The following RABEP1 variants were observed in gnomAD, a reference collection of about 807,000 sequenced individuals.
RABEP1 encodes the protein rabaptin, RAB GTPase binding effector protein 1, also known as rab GTPase-binding effector protein 1.
In RABEP1, 51 loss-of-function variants were observed where a neutral mutation model predicts 123.4. That is an observed-to-expected ratio of 0.41 (90% confidence interval 0.33 to 0.52). The LOEUF is 0.52. RABEP1 is among the 20% of genes least tolerant of loss of function. RABEP1 has a pLI of 0.16. For synonymous variants in RABEP1, 347 were observed against 355.2 expected (o/e 0.98, Z 0.26); for missense variants, 888 against 996.3 (o/e 0.89, Z 1.46).
chr17:5,328,523 A>T, intron 2 of RABEP1, among the ~76,000 whole-genome samples: 1 of 151,802 alleles, frequency 6.6e-6, no homozygotes, highest in East Asian at 1.9e-4. Context: ...GCATGTGCCT[A>T]TAGTCCCAGC....
chr17:5,378,073 G>A (rs1272452941), intron 14 of RABEP1, 104 bp from the exon 15 acceptor site: 5 of 809,606 alleles, frequency 6.2e-6, no homozygotes, highest in Non-Finnish European at 7.9e-6. Context: ...CCCATGTTCA[G>A]CATACATTTG....
At position 5,385,527 on chromosome 17, in the gene RABEP1, G is replaced by A. The variant is rs1911884486; in HGVS notation, c.*2304G>A. The A allele has an allele frequency of 8.7e-6, 2 of 230,888 alleles. No homozygotes were observed. Among genetic ancestry groups the A allele is most frequent in the African/African-American group, 4.4e-5 (2 of 45,212 alleles). 14.3% of individuals were successfully genotyped at this position (230,888 alleles called of 1,614,324 possible). ...GTAAAAAGATGACTTAAGGTGAAGT[G>A]AGGACAAAATCACATTCTGCATACT... On this transcript the variant is annotated 3_prime_UTR_variant, in exon 18 of 18. Transcript: ENST00000537505.
At chr17:5,380,533 A>C in intron 16 of RABEP1, 71 bp downstream of exon 16, 1 of 1,181,070 alleles carries the variant, frequency 8.5e-7, no homozygotes, top group Non-Finnish European at 1.2e-6. Flanking sequence ...TTGCTTGTTG[A>C]AAAAAAAATA....
At chr17:5,330,940 C>T (rs948417337) in intron 2 of RABEP1, among the ~76,000 whole-genome samples, 4 of 150,780 alleles carry the variant, frequency 2.7e-5, no homozygotes, top group Admixed American at 2.0e-4. Flanking sequence ...GGGGGGATCG[C>T]TTGAGCCCAG....
intron 1 of RABEP1, among the ~76,000 whole-genome samples, chr17:5,288,262 A>G (rs543782749): frequency 2.4e-4 from 37 of 152,268 alleles, no homozygotes; most frequent in Admixed American, 1.6e-3. Flanking sequence ...CGAGTAACAT[A>G]ACTGAAGAAA....
intron 8 of RABEP1, among the ~76,000 whole-genome samples, chr17:5,357,370 T>C (rs774537683): frequency 4.6e-5 from 7 of 151,952 alleles, no homozygotes; most frequent in Non-Finnish European, 5.9e-5. Flanking sequence ...ACTAATTGAT[T>C]TGTGACTTTT....
At chr17:5,344,660 T>C in intron 5 of RABEP1, among the ~76,000 whole-genome samples, 1 of 150,314 alleles carries the variant, frequency 6.7e-6, no homozygotes, top group African/African-American at 2.5e-5. Context: ...TAGTCCCAGC[T>C]ACTTGGGAGG....
intron 1 of RABEP1, among the ~76,000 whole-genome samples, chr17:5,304,175 A>C (rs2075160442): frequency 6.6e-6 from 1 of 151,810 alleles, no homozygotes; most frequent in South Asian, 2.1e-4. Context: ...TTAGGTCTTT[A>C]CTCCATTTAT....
chr17:5,356,717 CT>C (rs987244493), intron 8 of RABEP1: 1 of 149,828 alleles, frequency 6.7e-6, no homozygotes, highest in African/African-American at 2.5e-5. Context: ...GTGGTGCAAT[CT>C]TGGCTCACTG....
intron 1 of RABEP1, among the ~76,000 whole-genome samples, chr17:5,301,052 A>T (rs1244403603): frequency 1.3e-5 from 2 of 152,156 alleles, no homozygotes; most frequent in Non-Finnish European, 2.9e-5. Flanking sequence ...TCACTCCTTT[A>T]TGCTAAACTT....
intron 13 of RABEP1, among the ~76,000 whole-genome samples, chr17:5,376,586 C>T (rs1457339299): frequency 6.6e-6 from 1 of 152,118 alleles, no homozygotes; most frequent in Non-Finnish European, 1.5e-5. Context: ...AAACAGCTTA[C>T]CACCTTAGAA....
At chr17:5,330,155 G>A (rs1456552185) in intron 2 of RABEP1, among the ~76,000 whole-genome samples, 1 of 152,120 alleles carries the variant, frequency 6.6e-6, no homozygotes, top group Non-Finnish European at 1.5e-5. Context: ...ATACAGAGTT[G>A]ACACACATAA....
chr17:5,332,045 A>G lies in RABEP1; in HGVS notation c.260A>G (p.Asn87Ser). The G allele has an allele frequency of 6.2e-7, 1 of 1,614,102 alleles. No individual in the cohort carries two copies. ...QLWEAQAEME[N>S]IKAIATVSEN... ...TGGGAAGCTCAAGCAGAGATGGAGA[A>G]TATTAAGGCGATTGCCACAGTCTCT... Residue 87 changes from asparagine (N) to serine (S), a missense_variant, in exon 3 of 18, where the codon AAT becomes AGT. Coordinates refer to ENST00000537505, the MANE Select transcript of RABEP1 (RefSeq NM_004703.6).
At chr17:5,296,109 G>A (rs1319141482) in intron 1 of RABEP1, among the ~76,000 whole-genome samples, 1 of 152,140 alleles carries the variant, frequency 6.6e-6, no homozygotes, top group Non-Finnish European at 1.5e-5. Flanking sequence ...GTTTGTTTTT[G>A]CGCACTTCAG....
rs146585957 is a variant in RABEP1, at chr17:5,299,719, CT to C, written c.35-8970del. Among the ~76,000 whole-genome samples, 226 of 98,812 alleles carry C rather than the reference CT, an allele frequency of 2.3e-3. No individual in the cohort carries two copies. The East Asian group carries it at 0.023, about 10-fold the overall frequency. The allele number at this position is 98,812 out of a possible 152,430, so 64.8% of individuals were successfully genotyped here. ...TCATTTCTTTTTCTTTTTTTCTTTT[CT>C]TTTTCTTTTTCTTTTTTTTTTTTTT... On this transcript the variant is annotated intron_variant, in intron 1 of 17. Coordinates refer to ENST00000537505, the MANE Select transcript of RABEP1 (RefSeq NM_004703.6).
In RABEP1 at chr17:5,282,354, C is replaced by T; in HGVS notation, c.-133C>T. Reference sequence around the variant, plus strand: ...CGCGGCTGTGGCGGCGCCGGCGGATCCAGCCTTAGCGGTTTCTCTCTGGGC... The same window carrying T: ...CGCGGCTGTGGCGGCGCCGGCGGATTCAGCCTTAGCGGTTTCTCTCTGGGC... On this transcript the variant is annotated 5_prime_UTR_variant, in exon 1 of 18. Transcript: ENST00000537505. 1 of 682,276 alleles carries T rather than the reference C, an allele frequency of 1.5e-6. No homozygotes were observed. Among genetic ancestry groups the T allele is most frequent in the Non-Finnish European group, 2.1e-6 (1 of 475,266 alleles). 42.3% of individuals were successfully genotyped at this position (682,276 alleles called of 1,614,324 possible). A position where few individuals can be genotyped will look rare whatever the true frequency, so the allele number is the denominator to read the frequency against.
At chr17:5,320,340 G>T (rs2075340749) in intron 2 of RABEP1, among the ~76,000 whole-genome samples, 2 of 138,396 alleles carry the variant, frequency 1.4e-5, no homozygotes, top group South Asian at 2.3e-4. Flanking sequence ...AAGTTTGAGA[G>T]AATTGACCAC....
intron 13 of RABEP1, among the ~76,000 whole-genome samples, 172 bp downstream of exon 13, chr17:5,373,626 ACAAT>A (rs1355936857): frequency 3.3e-5 from 5 of 151,564 alleles, no homozygotes; most frequent in East Asian, 1.9e-4. Context: ...AACCATCATC[ACAAT>A]CAATTTTAGA....
intron 15 of RABEP1, 52 bp downstream of exon 15, chr17:5,378,284 G>T: frequency 1.4e-6 from 2 of 1,434,718 alleles, no homozygotes; most frequent in South Asian, 1.1e-5. Flanking sequence ...GTTATTTACT[G>T]ACTCCTACTA....
Sources: allele counts gnomAD v4.1 joint callset (sites outside exome capture counted in the v4.1 genomes callset), GRCh38; gene constraint gnomAD v4.1.1; transcripts MANE v1.5; gene names NCBI Gene and HGNC (gene_info 2026-07-23, HGNC 2026-07-21).